TUBGCP6: variants seen among roughly 807,000 people sequenced by gnomAD.
The protein encoded by TUBGCP6 is gamma-tubulin complex component 6.
TUBGCP6 carries 161 observed loss-of-function variants against 175.8 expected under a neutral mutation model. That is an observed-to-expected ratio of 0.92 (90% CI 0.81 to 1.04). The LOEUF is 1.04. TUBGCP6 is among the 50% of genes least tolerant of loss of function. The pLI is 0.00. For missense variants in TUBGCP6, 2,572 were observed against 2,433.0 expected (o/e 1.06, Z -1.20); for synonymous variants, 1,173 against 1,030.5 (o/e 1.14, Z -2.65).
Position 50,244,010 on chromosome 22 carries a change from G to A in TUBGCP6, c.450C>T (p.Cys150=), listed in dbSNP as rs778256941. ...GRNVPYSGYD[C]DDLSVFEMDV... ...CCATCTCAAACACACTCAGGTCGTC[G>A]CAATCATAGCCGCTGTACGGAACGT... Residue 150 remains cysteine, a synonymous_variant, in exon 1 of 25, where the codon TGC becomes TGT. Transcript: ENST00000248846. 6.2e-7 allele frequency: 1 copy of A among 1,614,138 alleles called. No individual in the cohort carries two copies. The highest frequency in any genetic ancestry group is 8.5e-7 in the Non-Finnish European group (1 of 1,180,050).
chr22:50,222,083 G>A lies in TUBGCP6; in HGVS notation c.2429C>T (p.Ser810Phe). ...CGGCTCCTGGGGCTGGTGAGCCTCA[G>A]ACACTGCTTTCAGCATCTCCTGAAA... ...KHIQEMLKAV[S>F]EAHQPQEPPD... Residue 810 changes from serine (S) to phenylalanine (F), a missense_variant, in exon 15 of 25, where the codon TCT (serine) becomes TTT (phenylalanine). Physicochemically the swap from Ser to Phe is radical, Grantham distance 155. Coordinates refer to ENST00000248846, the MANE Select transcript of TUBGCP6 (RefSeq NM_020461.4). 6.2e-7 allele frequency: 1 copy of A among 1,613,784 alleles called. No homozygotes were observed. Among genetic ancestry groups the A allele is most frequent in the Non-Finnish European group, 8.5e-7 (1 of 1,179,988 alleles).
At chr22:50,231,314 CGTG>C (rs2147197175) in intron 3 of TUBGCP6, among the ~76,000 whole-genome samples, 1 of 150,924 alleles carries the variant, frequency 6.6e-6, no homozygotes, top group African/African-American at 2.4e-5. Flanking sequence ...ATTAGCCAGG[CGTG>C]GTAGTCCATG....
chr22:50,219,683 A>C lies in TUBGCP6; in HGVS notation c.4276T>G (p.Tyr1426Asp), dbSNP rs2064483085. 2 of 1,613,626 alleles carry C rather than the reference A, an allele frequency of 1.2e-6. No individual in the cohort carries two copies. The highest frequency in any genetic ancestry group is 1.6e-4 in the Middle Eastern group (1 of 6,084). ...QAYLAGLAGQ[Y>D]HLERYPDSYE... is the part of the protein sequence containing the mutation. ...CTGTCCGGGTACCGCTCCAAGTGGT[A>C]CTGCCCTGCCAGGCCTGCCAGGTAG... Residue 1426 changes from tyrosine to aspartate, a missense_variant, in exon 18 of 25, where the codon TAC becomes GAC. By Grantham distance (160) the Tyr-to-Asp change is radical (BLOSUM62 -3). Coordinates refer to ENST00000248846, the MANE Select transcript of TUBGCP6 (RefSeq NM_020461.4).
rs2147173761 is a variant in TUBGCP6, at chr22:50,219,214, C to T, written c.4485-5G>A. On this transcript the variant is annotated splice_polypyrimidine_tract_variant and splice_region_variant and intron_variant, in intron 19 of 24. Transcript: ENST00000248846. The stretch of plus-strand genomic sequence containing the variant: ...GCCTTGTTCACCAAGGAGATGCTGG[C>T]AGGAGGGAGCTGGAGTCAGGGCGGG... 1.2e-6 allele frequency: 2 copies of T among 1,610,862 alleles called. No homozygotes were observed. The highest frequency in any genetic ancestry group is 1.7e-6 in the Non-Finnish European group (2 of 1,179,920).
chr22:50,220,379 G>T lies in TUBGCP6; in HGVS notation c.3980C>A (p.Pro1327Gln), dbSNP rs377380096. 7.7e-6 allele frequency: 12 copies of T among 1,566,058 alleles called. No homozygotes were observed. The highest frequency in any genetic ancestry group is 1.0e-5 in the Non-Finnish European group (12 of 1,151,860). Residue 1327 changes from proline (P) to glutamine (Q), a missense_variant, in exon 16 of 25, where the codon CCA becomes CAA. Physicochemically the swap from Pro to Gln is moderately conservative, Grantham distance 76. Coordinates refer to ENST00000248846, the MANE Select transcript of TUBGCP6 (RefSeq NM_020461.4). The part of the protein sequence containing the change: ...CGPRLPVEVG[P>Q]SLSSPSSGCG... ...GCCCGAGCTGGGGGAGGACAGAGAT[G>T]GCCCCACTTCTACAGGCAGCCGTGG... is the stretch of plus-strand genomic sequence containing the variant.
chr22:50,225,780 G>A lies in TUBGCP6; in HGVS notation c.1983+14C>T, dbSNP rs2064597898. On this transcript the variant is annotated intron_variant, in intron 10 of 24. Coordinates refer to ENST00000248846, the MANE Select transcript of TUBGCP6 (RefSeq NM_020461.4). Reference sequence around the variant, plus strand: ...GGGGCGAAGAAAGCCCCCGAGACCTGTGGTGCCACGCACCTTCTCCTCCTT... The same window carrying A: ...GGGGCGAAGAAAGCCCCCGAGACCTATGGTGCCACGCACCTTCTCCTCCTT... The A allele has an allele frequency of 6.2e-7, 1 of 1,606,064 alleles. No homozygotes were observed. Among genetic ancestry groups the A allele is most frequent in the Non-Finnish European group, 8.5e-7 (1 of 1,175,076 alleles).
In TUBGCP6 at chr22:50,228,020, G is replaced by A. The variant is rs2064638125; in HGVS notation, c.1299C>T (p.Thr433=). The A allele has an allele frequency of 2.6e-6, 4 of 1,554,882 alleles. No homozygotes were observed. The highest frequency in any genetic ancestry group is 1.2e-5 in the South Asian group (1 of 83,526). ...ACTGCAGGTACCTCCTCAGGCCACT[G>A]GTGAAGGCCTGTGGGCAAAGAGGCT... ...YSKGLVFQAF[T]SGLRRYLQYY... The change falls in exon 5 of 25, where the codon ACC becomes ACT. Residue 433 remains threonine (T), a synonymous_variant. Transcript: ENST00000248846.
chr22:50,223,534 T>G (rs2064559943), intron 13 of TUBGCP6: 1 of 153,476 alleles, frequency 6.5e-6, no homozygotes, highest in Non-Finnish European at 1.4e-5. Flanking sequence ...ATCCCAGCAC[T>G]TTGGGAGGCC....
chr22:50,222,458 A>G lies in TUBGCP6; in HGVS notation c.2405T>C (p.Ile802Thr), dbSNP rs148200872. Residue 802 changes from isoleucine to threonine, a missense_variant, in exon 14 of 25, where the codon ATT (isoleucine) becomes ACT (threonine). Ile to Thr is a moderately conservative substitution (Grantham distance 89, BLOSUM62 -1). Transcript: ENST00000248846. The stretch of plus-strand genomic sequence containing the variant: ...CATCTGAAGCCGCAGACATACCTGA[A>G]TGTGTTTCTCATCTTCTAAGAGAAA... Reference protein sequence around the residue: ...LRFLLEDEKHIQEMLKAVSEA... With the variant: ...LRFLLEDEKHTQEMLKAVSEA... 6.2e-7 allele frequency: 1 copy of G among 1,613,724 alleles called. No individual in the cohort carries two copies. The highest frequency in any genetic ancestry group is 1.3e-5 in the African/African-American group (1 of 75,056).
chr22:50,241,983 CAAAAAAAAAAAAAA>C (rs55647714), intron 1 of TUBGCP6, among the ~76,000 whole-genome samples: 6 of 92,796 alleles, frequency 6.5e-5, no homozygotes, highest in Non-Finnish European at 4.0e-5. Context: ...GACTCCATCT[CAAAAAAAAAAAAAA>C]AAAAAAAAAA....
intron 7 of TUBGCP6, among the ~76,000 whole-genome samples, 155 bp downstream of exon 7, chr22:50,226,578 G>GGCCC (rs2064613753): frequency 6.7e-6 from 1 of 149,480 alleles, no homozygotes; most frequent in African/African-American, 2.5e-5. Context: ...AGTGGGGGCA[G>GGCCC]GGTGGGGGGT....
intron 2 of TUBGCP6, among the ~76,000 whole-genome samples, chr22:50,234,829 G>A (rs1440209053): frequency 1.1e-4 from 16 of 139,960 alleles, no homozygotes; most frequent in African/African-American, 3.1e-4. Context: ...CCCTGTCCAC[G>A]ACAGCATCAC....
intron 2 of TUBGCP6, among the ~76,000 whole-genome samples, chr22:50,236,136 T>C (rs545230490): frequency 2.6e-5 from 4 of 151,226 alleles, no homozygotes; most frequent in Non-Finnish European, 4.4e-5. Flanking sequence ...GAAAAAAAAA[T>C]TCACAATTTT....
In TUBGCP6 at chr22:50,220,351, G is replaced by A. The variant is rs369884041; in HGVS notation, c.4008C>T (p.Cys1336=). The change falls in exon 16 of 25, where the codon TGC becomes TGT. Residue 1336 remains cysteine, a synonymous_variant. Coordinates refer to ENST00000248846, the MANE Select transcript of TUBGCP6 (RefSeq NM_020461.4). The part of the protein sequence containing the change: ...GPSLSSPSSG[C]GEGSISVGEN... ...CCCCCACGCTGATGCTCCCCTCCCCGCAGCCCGAGCTGGGGGAGGACAGAG... is the reference window on the plus strand; with the variant it reads ...CCCCCACGCTGATGCTCCCCTCCCCACAGCCCGAGCTGGGGGAGGACAGAG... 39 of 1,516,662 alleles carry A rather than the reference G, an allele frequency of 2.6e-5. No individual in the cohort carries two copies. Among genetic ancestry groups the A allele is most frequent in the African/African-American group, 1.1e-4 (8 of 71,408 alleles). 94.0% of individuals were successfully genotyped at this position (1,516,662 alleles called of 1,614,324 possible). A position where few individuals can be genotyped will look rare whatever the true frequency, so the allele number is the denominator to read the frequency against.
chr22:50,232,304 T>C (rs535942660), intron 3 of TUBGCP6, among the ~76,000 whole-genome samples: 4 of 150,440 alleles, frequency 2.7e-5, no homozygotes, highest in African/African-American at 9.8e-5. Flanking sequence ...AGGCAGAGTT[T>C]GCAGTGAGCC....
chr22:50,244,074 T>C lies in TUBGCP6; in HGVS notation c.386A>G (p.Lys129Arg), dbSNP rs773004650. Residue 129 changes from lysine (K) to arginine (R), a missense_variant, in exon 1 of 25, where the codon AAA (lysine) becomes AGA (arginine). Lys to Arg is a conservative substitution (Grantham distance 26). Coordinates refer to ENST00000248846, the MANE Select transcript of TUBGCP6 (RefSeq NM_020461.4). The stretch of plus-strand genomic sequence containing the variant: ...CTTGTTGTTAAGGAAGTAGTCTCGT[T>C]TTCTCGGCAGAACTTGAGGGGGACC... ...GSGPPQVLPR[K>R]RDYFLNNKHV... The C allele has an allele frequency of 1.2e-6, 2 of 1,613,946 alleles. No homozygotes were observed. The highest frequency in any genetic ancestry group is 1.6e-4 in the Middle Eastern group (1 of 6,062).
At position 50,220,279 on chromosome 22, in the gene TUBGCP6, G is replaced by T; in HGVS notation, c.4080C>A (p.Thr1360=). 6.4e-7 allele frequency: 1 copy of T among 1,571,482 alleles called. No homozygotes were observed. The highest frequency in any genetic ancestry group is 8.7e-7 in the Non-Finnish European group (1 of 1,154,508). Residue 1360 remains threonine, a synonymous_variant, in exon 16 of 25, where the codon ACC becomes ACA. Coordinates refer to ENST00000248846, the MANE Select transcript of TUBGCP6 (RefSeq NM_020461.4). Reference sequence around the variant, plus strand: ...GTTCTTCAGAGACACTGTCTCCCGGGGTGTTGGGCCACCATGGTTGGGTGG... The same window carrying T: ...GTTCTTCAGAGACACTGTCTCCCGGTGTGTTGGGCCACCATGGTTGGGTGG... The part of the protein sequence containing the change: ...VAPTQPWWPN[T]PGDSVSEELG...
chr22:50,233,608 G>T (rs2147201210), intron 2 of TUBGCP6, 82 bp from the exon 3 acceptor site: 2 of 1,322,422 alleles, frequency 1.5e-6, no homozygotes, highest in South Asian at 2.6e-5. Context: ...TCGGGAATGG[G>T]CATGAACAGA....
At position 50,221,525 on chromosome 22, in the gene TUBGCP6, G is replaced by A. The variant is rs2064523283; in HGVS notation, c.2834C>T (p.Pro945Leu). 2 of 1,585,462 alleles carry A rather than the reference G, an allele frequency of 1.3e-6. No homozygotes were observed. The highest frequency in any genetic ancestry group is 1.7e-6 in the Non-Finnish European group (2 of 1,164,344). ...AAAGTCGTACTCCTGTGGCCTGGAG[G>A]GCTGAGTGCTGGCTGCTGCGGGTGC... ...GEAPAAASTQ[P>L]SRPQEYDFST... is the part of the protein sequence containing the mutation. Residue 945 changes from proline (P) to leucine (L), a missense_variant, in exon 16 of 25, where the codon CCC becomes CTC. Physicochemically the swap from Pro to Leu is moderately conservative, Grantham distance 98. Transcript: ENST00000248846.
Sources: allele counts gnomAD v4.1 joint callset (sites outside exome capture counted in the v4.1 genomes callset), GRCh38; gene constraint gnomAD v4.1.1; transcripts MANE v1.5; gene names NCBI Gene and HGNC (gene_info 2026-07-23, HGNC 2026-07-21).